The following PRSS3 variants were observed in gnomAD, a reference collection of about 807,000 sequenced individuals.
The protein encoded by PRSS3 is trypsin-3.
Under a neutral mutation model 20.8 loss-of-function variants are expected in PRSS3, and 14 were observed. The observed-to-expected ratio is 0.67, with a 90% CI of 0.44 to 1.05. The LOEUF is 1.05. Ranked by LOEUF, PRSS3 falls within the 50% of genes least tolerant of loss-of-function variation. The pLI is 0.00. For synonymous variants in PRSS3, 91 were observed against 117.6 expected (o/e 0.77, Z 1.46); for missense variants, 237 against 306.4 (o/e 0.77, Z 1.69).
At chr9:33,762,198 A>G (rs542308598) in intron 1 of PRSS3, 1 of 152,296 alleles carries the variant, frequency 6.6e-6, no homozygotes, top group East Asian at 1.9e-4. Flanking sequence ...ATTGTGTTCC[A>G]TATCATGGTG....
chr9:33,777,162 A>G (rs1823970152), intron 1 of PRSS3, among the ~76,000 whole-genome samples: 1 of 152,198 alleles, frequency 6.6e-6, no homozygotes, highest in Non-Finnish European at 1.5e-5. Context: ...TACAAGAAAT[A>G]GAAAAAGTAA....
chr9:33,772,544 A>C (rs1179753953), intron 1 of PRSS3, among the ~76,000 whole-genome samples: 3 of 152,224 alleles, frequency 2.0e-5, no homozygotes, highest in Admixed American at 2.0e-4. Flanking sequence ...AATTTTAATT[A>C]TACTAATTTT....
intron 1 of PRSS3, chr9:33,786,419 A>G (rs1824413285): frequency 1.5e-6 from 1 of 676,436 alleles, no homozygotes; most frequent in Non-Finnish European, 2.6e-6. Flanking sequence ...AAAAGGAGGC[A>G]GTGCCCTGGG....
chr9:33,751,060 G>A (rs1822671083), intron 1 of PRSS3, among the ~76,000 whole-genome samples: 1 of 152,172 alleles, frequency 6.6e-6, no homozygotes, highest in Non-Finnish European at 1.5e-5. Flanking sequence ...AATGAATATT[G>A]CTCAGTCCCC....
upstream of PRSS3, among the ~76,000 whole-genome samples, chr9:33,793,944 A>G (rs1438089585): frequency 6.6e-6 from 1 of 152,270 alleles, no homozygotes; most frequent in South Asian, 2.1e-4. Context: ...ATCTAAGTAC[A>G]GCAGTGTTAG....
intron 1 of PRSS3, among the ~76,000 whole-genome samples, chr9:33,787,617 G>C (rs1351454981): frequency 6.6e-6 from 1 of 152,234 alleles, no homozygotes; most frequent in Non-Finnish European, 1.5e-5. Flanking sequence ...AGAGGGTTCT[G>C]TGGCAGAACA....
intron 1 of PRSS3, among the ~76,000 whole-genome samples, chr9:33,764,738 A>G (rs1823346120): frequency 6.6e-6 from 1 of 152,238 alleles, no homozygotes; most frequent in Admixed American, 6.5e-5. Flanking sequence ...CATCAAGAAA[A>G]GACAACTCAC....
At chr9:33,771,027 G>A (rs759792288) in intron 1 of PRSS3, among the ~76,000 whole-genome samples, 7 of 152,152 alleles carry the variant, frequency 4.6e-5, no homozygotes, top group Non-Finnish European at 8.8e-5. Flanking sequence ...GCTGCCTGCT[G>A]GACACCCTGC....
intron 1 of PRSS3, among the ~76,000 whole-genome samples, chr9:33,775,600 A>G (rs1447898575): frequency 2.6e-5 from 4 of 152,052 alleles, no homozygotes; most frequent in Admixed American, 1.3e-4. Context: ...GACCTGAGAG[A>G]GCCCAGCAAA....
intron 2 of PRSS3, among the ~76,000 whole-genome samples, chr9:33,797,280 T>C (rs1825012414): frequency 1.3e-5 from 2 of 150,658 alleles, no homozygotes; most frequent in African/African-American, 4.9e-5. Flanking sequence ...CCTGCAGGCT[T>C]ATTAAAGCAC....
At chr9:33,751,337 A>T (rs1168312715) in intron 1 of PRSS3, among the ~76,000 whole-genome samples, 1 of 152,166 alleles carries the variant, frequency 6.6e-6, no homozygotes, top group Non-Finnish European at 1.5e-5. Flanking sequence ...AAGTCCCCCG[A>T]TCCAGTGCTT....
Position 33,753,040 on chromosome 9 carries a change from G to T in PRSS3, c.-53+2313G>T, listed in dbSNP as rs182417690. Among the ~76,000 whole-genome samples, 27 of 152,338 alleles carry T rather than the reference G, an allele frequency of 1.8e-4. No individual in the cohort carries two copies. The East Asian group carries it at 2.1e-3, about 12-fold the overall frequency. ...ATGAGGAGATGGAAACAGAGATATT[G>T]TGTATGTGGTCCAGGGTTAGCCAGG... On this transcript the variant is annotated intron_variant, in intron 1 of 5. Coordinates refer to the PRSS3 transcript ENST00000342836.
At chr9:33,794,974 T>A, upstream of PRSS3, 1 of 1,473,518 alleles carries the variant, frequency 6.8e-7, no homozygotes. Context: ...CAGAATCCTA[T>A]GGAATGCTAA....
intron 1 of PRSS3, among the ~76,000 whole-genome samples, chr9:33,751,687 A>C (rs1822704786): frequency 6.6e-6 from 1 of 152,114 alleles, no homozygotes. Context: ...TGCCTACAGC[A>C]TTTTACCTGC....
chr9:33,761,301 T>C (rs369142156), intron 1 of PRSS3, among the ~76,000 whole-genome samples: 21 of 152,324 alleles, frequency 1.4e-4, no homozygotes, highest in African/African-American at 4.8e-4. Flanking sequence ...GAGCGCTTTT[T>C]CCAAGAATTG....
chr9:33,782,049 G>A (rs1205535338), intron 1 of PRSS3, among the ~76,000 whole-genome samples: 6 of 152,300 alleles, frequency 3.9e-5, no homozygotes, highest in Admixed American at 3.9e-4. Flanking sequence ...CTCTTTATCT[G>A]AGGCCTATGT....
At chr9:33,793,804 T>G, upstream of PRSS3, 1 of 741,028 alleles carries the variant, frequency 1.3e-6, no homozygotes, top group Admixed American at 6.3e-5. Context: ...ATGGAAATAA[T>G]TTTGCTCTGC....
Position 33,798,585 on chromosome 9 carries a change from G to C in PRSS3, c.554G>C (p.Cys185Ser). 1 of 1,614,208 alleles carries C rather than the reference G, an allele frequency of 6.2e-7. No homozygotes were observed. The highest frequency in any genetic ancestry group is 8.5e-7 in the Non-Finnish European group (1 of 1,180,022). Reference sequence around the variant, plus strand: ...GGAAAGATTACCAACAGCATGTTCTGTGTGGGCTTCCTTGAGGGAGGCAAG... The same window carrying C: ...GGAAAGATTACCAACAGCATGTTCTCTGTGGGCTTCCTTGAGGGAGGCAAG... ...YPGKITNSMFCVGFLEGGKDS... is the reference protein window; with the variant it reads ...YPGKITNSMFSVGFLEGGKDS... Residue 185 changes from cysteine to serine, a missense_variant, in exon 4 of 5, where the codon TGT becomes TCT. Transcript: ENST00000379405.
At chr9:33,761,349 T>C (rs1823194377) in intron 1 of PRSS3, among the ~76,000 whole-genome samples, 1 of 152,218 alleles carries the variant, frequency 6.6e-6, no homozygotes. Context: ...TACCACACAC[T>C]GTAGGCAGTT....
Sources: allele counts gnomAD v4.1 joint callset (sites outside exome capture counted in the v4.1 genomes callset), GRCh38; gene constraint gnomAD v4.1.1; transcripts MANE v1.5; gene names NCBI Gene and HGNC (gene_info 2026-07-23, HGNC 2026-07-21).